Variants in TAB3 observed in about 807,000 individuals in gnomAD.
TAB3 encodes the protein TGF-beta-activated kinase 1 and MAP3K7-binding protein 3.
Under a neutral mutation model 48.1 loss-of-function variants are expected in TAB3, and 18 were observed. The ratio of observed to expected loss-of-function variants is 0.37; its 90% confidence interval spans 0.26 to 0.55. The LOEUF is 0.55. Ranked by LOEUF, TAB3 falls within the 20% of genes least tolerant of loss-of-function variation. The probability of loss-of-function intolerance (pLI) is 0.78; values close to 1 mark genes in which losing one functional copy is unlikely to be tolerated. For missense variants in TAB3, 414 were observed against 549.8 expected (o/e 0.75, Z 2.47); for synonymous variants, 185 against 190.2 (o/e 0.97, Z 0.22).
chrX:30,876,945 C>T (rs975311735), intron 1 of TAB3, among the ~76,000 whole-genome samples: 8 of 110,712 alleles, frequency 7.2e-5, no homozygotes, highest in Admixed American at 1.9e-4. Context: ...TAATCAGAAT[C>T]CCAGAAGGAA....
chrX:30,859,792 G>A, intron 4 of TAB3, 114 bp from the exon 5 acceptor site: 2 of 409,761 alleles, frequency 4.9e-6, no homozygotes, highest in Non-Finnish European at 8.4e-6. Flanking sequence ...GGCTTCCACT[G>A]ACACTCCTTC....
chrX:30,862,000 G>A (rs1219730305), intron 4 of TAB3, among the ~76,000 whole-genome samples: 1 of 111,980 alleles, frequency 8.9e-6, no homozygotes, highest in Non-Finnish European at 1.9e-5. Context: ...TTACTGGACA[G>A]TGCAGCTCTA....
rs759682694 is a variant in TAB3 at position 30,868,567 on chromosome X, T to TTA, written c.-279-1020_-279-1019dup. ...ATATATATATATATATATATATAGC[T>TTA]TATATATATATATATATATAGAGAG... On this transcript the variant is annotated intron_variant, in intron 2 of 10. Coordinates refer to ENST00000288422, the MANE Select transcript of TAB3 (RefSeq NM_152787.5). 1.8e-3 allele frequency among the ~76,000 whole-genome samples: 5 copies of TTA among 2,736 alleles called. 1 individual carries two copies. The Admixed American group carries it at 0.025, about 13-fold the overall frequency. The allele number at this position is 2,736 out of a possible 115,157, so 2.4% of individuals were successfully genotyped here. A position where few individuals can be genotyped will look rare whatever the true frequency, so the allele number is the denominator to read the frequency against.
At chrX:30,843,903 A>G (rs956117150) in intron 8 of TAB3, 2 of 111,296 alleles carry the variant, frequency 1.8e-5, no homozygotes, top group Non-Finnish European at 3.8e-5. Flanking sequence ...AACTGTAGCC[A>G]TACTTATTTA....
chrX:30,880,772 T>C (rs1451781380), intron 1 of TAB3, among the ~76,000 whole-genome samples: 1 of 112,028 alleles, frequency 8.9e-6, no homozygotes, highest in African/African-American at 3.2e-5. Flanking sequence ...ACCTGGAAGA[T>C]TTAGTTAAAA....
intron 1 of TAB3, among the ~76,000 whole-genome samples, chrX:30,886,535 G>A (rs1288491233): frequency 1.8e-5 from 2 of 111,891 alleles, no homozygotes; most frequent in Non-Finnish European, 3.8e-5. Context: ...ATACTGATGT[G>A]TACTGAGGAA....
At chrX:30,880,236 G>C (rs1474910185) in intron 1 of TAB3, among the ~76,000 whole-genome samples, 1 of 111,458 alleles carries the variant, frequency 9.0e-6, no homozygotes. Context: ...AGATGCTTTC[G>C]AAGGACAATG....
intron 9 of TAB3, chrX:30,835,174 G>A (rs1485311546): frequency 1.6e-5 from 2 of 122,897 alleles, no homozygotes; most frequent in Non-Finnish European, 3.8e-5. Context: ...AAAAATGGCA[G>A]CCTTTATATT....
chrX:30,850,785 CTTTT>C (rs756585121), intron 7 of TAB3, among the ~76,000 whole-genome samples: 12 of 93,452 alleles, frequency 1.3e-4, no homozygotes, highest in African/African-American at 4.6e-4. Flanking sequence ...GGGCTTTTTT[CTTTT>C]TTTTTTTTTT....
rs1015004510 is a variant in TAB3 at position 30,827,643 on chromosome X, A to G, written c.*3784T>C. ...TAATAAGTTTTTGCTGCTTTAATGA[A>G]GAAACTGATCAATTCTTTTACAGTA... On this transcript the variant is annotated 3_prime_UTR_variant, in exon 11 of 11. Transcript: ENST00000288422. 8.9e-6 allele frequency: 1 copy of G among 112,648 alleles called. No individual in the cohort carries two copies. The highest frequency in any genetic ancestry group is 1.9e-5 in the Non-Finnish European group (1 of 53,270). The allele number at this position is 112,648 out of a possible 1,213,427, so 9.3% of individuals were successfully genotyped here.
chrX:30,847,707 C>T (rs1011314535), intron 7 of TAB3, among the ~76,000 whole-genome samples: 18 of 110,707 alleles, frequency 1.6e-4, no homozygotes, highest in African/African-American at 5.3e-4. Flanking sequence ...CTTTGCTAAA[C>T]GCTAAATATG....
chrX:30,877,483 A>G (rs1453898562), intron 1 of TAB3, among the ~76,000 whole-genome samples: 6 of 112,417 alleles, frequency 5.3e-5, no homozygotes, highest in Non-Finnish European at 9.4e-5. Flanking sequence ...AAATTACAGG[A>G]CAACAATATG....
intron 8 of TAB3, chrX:30,845,350 A>G (rs1280942805): frequency 1.8e-5 from 2 of 111,937 alleles, no homozygotes; most frequent in Non-Finnish European, 3.8e-5. Flanking sequence ...ATAAAGACCT[A>G]ATTTTTACGT....
chrX:30,863,014 C>T (rs1257625021), intron 4 of TAB3, among the ~76,000 whole-genome samples: 1 of 112,562 alleles, frequency 8.9e-6, no homozygotes, highest in Non-Finnish European at 1.9e-5. Flanking sequence ...AAATACTTTC[C>T]TTTGAAGAAA....
chrX:30,882,564 C>T (rs1442315712), intron 1 of TAB3, among the ~76,000 whole-genome samples: 1 of 112,080 alleles, frequency 8.9e-6, no homozygotes, highest in Admixed American at 9.4e-5. Flanking sequence ...CAAGATAAAT[C>T]CCTGGACTTG....
intron 2 of TAB3, among the ~76,000 whole-genome samples, chrX:30,870,553 G>A (rs188027452): frequency 1.4e-3 from 159 of 112,173 alleles, no homozygotes; most frequent in African/African-American, 4.6e-3. Context: ...AAGAGAAGGA[G>A]AGCTGAGGAA....
intron 2 of TAB3, among the ~76,000 whole-genome samples, chrX:30,868,151 C>A (rs1241201894): frequency 9.6e-6 from 1 of 103,752 alleles, no homozygotes; most frequent in Non-Finnish European, 2.0e-5. Context: ...CCCACCTGGG[C>A]CTCCCAAAGT....
chrX:30,844,556 A>T (rs1483163240), intron 8 of TAB3: 1 of 112,382 alleles, frequency 8.9e-6, no homozygotes, highest in East Asian at 2.8e-4. Flanking sequence ...CAAATGTTTT[A>T]CTGTTTGTTT....
At chrX:30,863,693 T>C (rs1426092396) in intron 4 of TAB3, among the ~76,000 whole-genome samples, 4 of 112,473 alleles carry the variant, frequency 3.6e-5, no homozygotes, top group Non-Finnish European at 5.6e-5. Flanking sequence ...TGGGCAGATA[T>C]TGGTGCCATG....
Sources: allele counts gnomAD v4.1 joint callset (sites outside exome capture counted in the v4.1 genomes callset), GRCh38; gene constraint gnomAD v4.1.1; transcripts MANE v1.5; gene names NCBI Gene and HGNC (gene_info 2026-07-23, HGNC 2026-07-21).